Variants in DPH6 observed in about 807,000 individuals in gnomAD.
The protein encoded by DPH6 is diphthine--ammonia ligase.
Under a neutral mutation model 38.2 loss-of-function variants are expected in DPH6, and 33 were observed. The ratio of observed to expected loss-of-function variants is 0.86; its 90% CI spans 0.65 to 1.15. The LOEUF is 1.15. DPH6 is among the 50% of genes most tolerant of loss of function. The probability of loss-of-function intolerance (pLI) is 0.00; values close to 1 mark genes in which losing one functional copy is unlikely to be tolerated. For missense variants in DPH6, 325 were observed against 320.0 expected (o/e 1.02, Z -0.12); for synonymous variants, 108 against 103.0 (o/e 1.05, Z -0.30).
chr15:35,436,484 CA>C (rs1343960472), intron 5 of DPH6, among the ~76,000 whole-genome samples: 27 of 38,046 alleles, frequency 7.1e-4, no homozygotes, highest in Admixed American at 1.7e-3. Context: ...CAAACAAAAA[CA>C]AAACAAAACA....
chr15:35,492,167 C>A (rs2054491794), intron 3 of DPH6, among the ~76,000 whole-genome samples: 1 of 152,092 alleles, frequency 6.6e-6, no homozygotes, highest in Non-Finnish European at 1.5e-5. Context: ...CTCCAGCAGA[C>A]AGGCAGAGAG....
At chr15:35,401,747 C>T (rs1235108316) in intron 6 of DPH6, 45 of 697,020 alleles carry the variant, frequency 6.5e-5, no homozygotes, top group South Asian at 2.8e-4. Flanking sequence ...GCGGTAGCTA[C>T]GACAGTGGCA....
chr15:35,234,823 G>A (rs186620661), intron 3 of DPH6, among the ~76,000 whole-genome samples: 16 of 152,336 alleles, frequency 1.1e-4, no homozygotes, highest in Non-Finnish European at 2.4e-4. Context: ...GGTGGTATGG[G>A]TATATGAAGC....
intron 3 of DPH6, among the ~76,000 whole-genome samples, chr15:35,493,190 AG>A (rs143781386): frequency 0.079 from 11,991 of 152,242 alleles, 633 homozygotes; most frequent in African/African-American, 0.14. Context: ...CACAAACAAA[AG>A]CTAATTGGAT....
the DPH6 span, among the ~76,000 whole-genome samples, chr15:35,197,443 C>G: frequency 6.6e-6 from 1 of 152,010 alleles, no homozygotes; most frequent in African/African-American, 2.4e-5. Context: ...AGTATAATCC[C>G]CTGCCTCCCC....
At chr15:35,381,647 C>T (rs1031525521) in intron 7 of DPH6, among the ~76,000 whole-genome samples, 175 bp downstream of exon 7, 10 of 152,148 alleles carry the variant, frequency 6.6e-5, no homozygotes, top group Admixed American at 1.3e-4. Flanking sequence ...CTCGTCTTGT[C>T]AGGTATTGAT....
intron 6 of DPH6, among the ~76,000 whole-genome samples, chr15:35,397,906 C>CACAT (rs769237749): frequency 0.054 from 7,946 of 147,112 alleles, 284 homozygotes; most frequent in African/African-American, 0.071. Flanking sequence ...CACACACACA[C>CACAT]ACACACACAA....
chr15:35,241,672 T>A (rs193025234), intron 3 of DPH6, among the ~76,000 whole-genome samples: 5,162 of 141,780 alleles, frequency 0.036, 761 homozygotes, highest in African/African-American at 0.13. Flanking sequence ...CCCACAAGTA[T>A]AAGATACCTC....
At chr15:35,297,002 A>G (rs2052020363) in intron 3 of DPH6, among the ~76,000 whole-genome samples, 1 of 152,102 alleles carries the variant, frequency 6.6e-6, no homozygotes, top group Non-Finnish European at 1.5e-5. Flanking sequence ...TAGCCTGATG[A>G]GCCCATATGC....
chr15:35,181,496 A>T, the DPH6 span, among the ~76,000 whole-genome samples: 2 of 149,398 alleles, frequency 1.3e-5, no homozygotes, highest in Non-Finnish European at 3.0e-5. Flanking sequence ...AAAAAAAATT[A>T]TCTTTTAATA....
At chr15:35,541,031 G>C (rs2055245834) in intron 2 of DPH6, among the ~76,000 whole-genome samples, 1 of 152,056 alleles carries the variant, frequency 6.6e-6, no homozygotes, top group Admixed American at 6.6e-5. Context: ...TTAGAGTGCA[G>C]TTCCTATTCA....
chr15:35,325,671 G>A (rs539408311), intron 3 of DPH6, among the ~76,000 whole-genome samples: 2 of 152,144 alleles, frequency 1.3e-5, no homozygotes, highest in East Asian at 3.9e-4. Flanking sequence ...CCTTGAACTT[G>A]TAAATGTTTT....
intron 6 of DPH6, among the ~76,000 whole-genome samples, chr15:35,392,423 C>G (rs1391846800): frequency 1.3e-5 from 2 of 149,122 alleles, no homozygotes; most frequent in Admixed American, 1.3e-4. Context: ...AAAAAAAAAG[C>G]CAAACTCATA....
At chr15:35,489,775 TA>T in intron 3 of DPH6, 3 of 983,204 alleles carry the variant, frequency 3.1e-6, no homozygotes, top group Non-Finnish European at 3.6e-6. Flanking sequence ...CTTAGGAGGA[TA>T]GAGAACAAAA....
At chr15:35,405,043 G>A (rs1352720767) in intron 6 of DPH6, among the ~76,000 whole-genome samples, 17 of 152,050 alleles carry the variant, frequency 1.1e-4, no homozygotes, top group Admixed American at 1.1e-3. Flanking sequence ...CAGGTGTGTA[G>A]ATTTGTTTCT....
chr15:35,482,458 C>T (rs1247839738), intron 3 of DPH6, among the ~76,000 whole-genome samples: 1 of 152,074 alleles, frequency 6.6e-6, no homozygotes, highest in Non-Finnish European at 1.5e-5. Context: ...TATAAATTTA[C>T]TATAAAACCA....
At chr15:35,307,546 C>T (rs889370578) in intron 3 of DPH6, among the ~76,000 whole-genome samples, 1 of 151,984 alleles carries the variant, frequency 6.6e-6, no homozygotes, top group African/African-American at 2.4e-5. Context: ...GTTGGGTTAA[C>T]TAACAAAATT....
chr15:35,227,161 G>A (rs902347880), intron 3 of DPH6, among the ~76,000 whole-genome samples: 8 of 133,224 alleles, frequency 6.0e-5, no homozygotes, highest in African/African-American at 2.2e-4. Context: ...TGCAATATCA[G>A]TTATAACATC....
chr15:35,422,414 C>G (rs1381521252), intron 5 of DPH6, among the ~76,000 whole-genome samples: 2 of 151,860 alleles, frequency 1.3e-5, no homozygotes, highest in Non-Finnish European at 2.9e-5. Context: ...TTTTCTTTCC[C>G]CATTAGCTTT....
Sources: allele counts gnomAD v4.1 joint callset (sites outside exome capture counted in the v4.1 genomes callset), GRCh38; gene constraint gnomAD v4.1.1; transcripts MANE v1.5; gene names NCBI Gene and HGNC (gene_info 2026-07-23, HGNC 2026-07-21).